VPS13C: variants seen among roughly 807,000 people sequenced by gnomAD.
VPS13C encodes vacuolar protein sorting 13 homolog C.
A neutral mutation model predicts 456.8 loss-of-function variants in VPS13C; 358 were observed. The observed-to-expected ratio is 0.78, with a 90% CI of 0.72 to 0.86. VPS13C has a LOEUF of 0.86. Ranked by LOEUF, VPS13C falls within the 40% of genes least tolerant of loss-of-function variation. The pLI is 0.00. For synonymous variants in VPS13C, 1,578 were observed against 1,486.7 expected, an observed-to-expected ratio of 1.06 and a Z score of -1.41; for missense variants, 4,818 against 4,385.4, an observed-to-expected ratio of 1.10 and a Z score of -2.79.
intron 58 of VPS13C, 27 bp downstream of exon 58, chr15:61,919,262 G>C: frequency 6.4e-7 from 1 of 1,569,964 alleles, no homozygotes; most frequent in Middle Eastern, 1.7e-4. Flanking sequence ...TACACTGAAA[G>C]GGATACAATT....
intron 22 of VPS13C, among the ~76,000 whole-genome samples, chr15:61,979,870 C>A (rs774196406): frequency 1.3e-5 from 2 of 152,004 alleles, no homozygotes; most frequent in Non-Finnish European, 2.9e-5. Flanking sequence ...AGAAGCATTT[C>A]TTCAAAGAAT....
chr15:61,952,028 A>G (rs2044816759), intron 38 of VPS13C, 48 bp from the exon 39 acceptor site: 3 of 1,583,162 alleles, frequency 1.9e-6, no homozygotes, highest in East Asian at 2.2e-5. Flanking sequence ...CCAATATGCA[A>G]TGAAGGTAAG....
chr15:61,987,458 G>T (rs766041077), intron 18 of VPS13C, among the ~76,000 whole-genome samples: 1 of 152,106 alleles, frequency 6.6e-6, no homozygotes, highest in Non-Finnish European at 1.5e-5. Flanking sequence ...CTTGTGCAGG[G>T]GAACTCCCAT....
At chr15:61,939,822 C>T (rs1567026787) in intron 47 of VPS13C, among the ~76,000 whole-genome samples, 2 of 152,090 alleles carry the variant, frequency 1.3e-5, no homozygotes, top group Non-Finnish European at 2.9e-5. Context: ...TGGTGAAACC[C>T]TGTTTCTACT....
chr15:61,938,175 T>C (rs1369477387), intron 47 of VPS13C, among the ~76,000 whole-genome samples: 3 of 152,158 alleles, frequency 2.0e-5, no homozygotes, highest in Non-Finnish European at 4.4e-5. Flanking sequence ...CCTTAGAATT[T>C]CCTTGTATAT....
intron 46 of VPS13C, 120 bp from the exon 47 acceptor site, chr15:61,940,914 T>A (rs2044399007): frequency 1.0e-6 from 1 of 965,578 alleles, no homozygotes; most frequent in Non-Finnish European, 1.5e-6. Context: ...CTAACAGAAG[T>A]CTTTTAGAAT....
rs748517979 is a variant in VPS13C, at chr15:62,013,296, A to T, written c.745-177T>A. Among the ~76,000 whole-genome samples the T allele has an allele frequency of 3.9e-5, 6 of 152,170 alleles. No homozygotes were observed. In the East Asian group the frequency reaches 1.2e-3, roughly 29 times the overall value. ...AATATATTCATGTTATTCAGACTTT[A>T]TTAAGTCTAGCATTTGCTAAATTGC... On this transcript the variant is annotated intron_variant, in intron 10 of 84. Coordinates refer to ENST00000644861, the MANE Select transcript of VPS13C (RefSeq NM_020821.3).
intron 66 of VPS13C, among the ~76,000 whole-genome samples, chr15:61,899,499 C>T (rs1055382706): frequency 3.9e-5 from 6 of 152,082 alleles, no homozygotes; most frequent in African/African-American, 1.4e-4. Context: ...TGCAAATAAA[C>T]TAGAAAATCT....
chr15:61,907,191 T>A, intron 66 of VPS13C, 73 bp downstream of exon 66: 1 of 1,594,354 alleles, frequency 6.3e-7, no homozygotes, highest in South Asian at 1.1e-5. Context: ...GGACAAGGAG[T>A]CAGTGAAGAT....
Position 61,913,352 on chromosome 15 carries a change from A to T in VPS13C, c.8509T>A (p.Tyr2837Asn), listed in dbSNP as rs1292043701. 1 of 1,613,970 alleles carries T rather than the reference A, an allele frequency of 6.2e-7. No individual in the cohort carries two copies. Among genetic ancestry groups the T allele is most frequent in the Non-Finnish European group, 8.5e-7 (1 of 1,180,008 alleles). ...SSFSLDTVGS[Y>N]GCVKCPANNM... ...TTGGCAGGACACTTCACACACCCATAACTTCCCACTGTATCCAATGAGAAA... is the reference window on the plus strand; with the variant it reads ...TTGGCAGGACACTTCACACACCCATTACTTCCCACTGTATCCAATGAGAAA... The change falls in exon 62 of 85, where the codon TAT becomes AAT. Residue 2837 changes from tyrosine to asparagine, a missense_variant. Transcript: ENST00000644861.
chr15:62,057,503 C>G lies in VPS13C; in HGVS notation c.100+2772G>C, dbSNP rs574998932. 2.2e-4 allele frequency among the ~76,000 whole-genome samples: 33 copies of G among 152,244 alleles called. 1 individual carries two copies. Among genetic ancestry groups the G allele is most frequent in the East Asian group, 7.7e-4 (4 of 5,188 alleles). On this transcript the variant is annotated intron_variant, in intron 1 of 84. Transcript: ENST00000644861. ...AGACTGTGCAATAATGATAAAAGCT[C>G]GTGACTTCTAGCTTTATAGCAACCA...
chr15:61,991,950 C>T, intron 16 of VPS13C, 148 bp from the exon 17 acceptor site: 1 of 892,340 alleles, frequency 1.1e-6, no homozygotes, highest in South Asian at 2.0e-5. Flanking sequence ...ATGCTCACAA[C>T]ATAATTTAGT....
Position 61,922,409 on chromosome 15 carries a change from G to A in VPS13C, c.6963C>T (p.Asp2321=), listed in dbSNP as rs570785472. The change falls in exon 54 of 85, where the codon GAC becomes GAT. Residue 2321 remains aspartate, a synonymous_variant. Transcript: ENST00000644861. ...NWTSLMAAVA[D]VTLQVHYYNE... The stretch of plus-strand genomic sequence containing the variant: ...GATGTGGCCATACCTGTAGTGTCAC[G>A]TCAGCAACAGCAGCCATTAGAGAAG... 9.3e-6 allele frequency: 15 copies of A among 1,612,804 alleles called. No individual in the cohort carries two copies. The African/African-American group carries it at 1.5e-4, about 16-fold the overall frequency.
rs752744530 is a variant in VPS13C, at chr15:61,981,459, T to C, written c.2049A>G (p.Glu683=). The part of the protein sequence containing the change: ...RTATGLTHII[E]TRKVLDLRIN... Reference sequence around the variant, plus strand: ...TCCTTAAATCAAGGACTTTTCGAGTTTCAATAATATGTGTAAGTCCTAAAG... The same window carrying C: ...TCCTTAAATCAAGGACTTTTCGAGTCTCAATAATATGTGTAAGTCCTAAAG... The change falls in exon 22 of 85, where the codon GAA becomes GAG. Residue 683 remains glutamate (E), a synonymous_variant. Coordinates refer to ENST00000644861, the MANE Select transcript of VPS13C (RefSeq NM_020821.3). 3.2e-5 allele frequency: 51 copies of C among 1,608,936 alleles called. No homozygotes were observed. Among genetic ancestry groups the C allele is most frequent in the Non-Finnish European group, 5.1e-6 (6 of 1,178,348 alleles).
chr15:61,893,711 A>G (rs921808177), intron 66 of VPS13C, among the ~76,000 whole-genome samples: 20 of 151,916 alleles, frequency 1.3e-4, no homozygotes, highest in African/African-American at 4.8e-4. Context: ...AAAGATATAA[A>G]TTGAGACAAC....
At chr15:61,880,067 C>T (rs982918278) in intron 73 of VPS13C, among the ~76,000 whole-genome samples, 7 of 152,008 alleles carry the variant, frequency 4.6e-5, no homozygotes, top group African/African-American at 1.4e-4. Flanking sequence ...ATTTACTAAG[C>T]AGTCACCTTC....
rs1330328364 is a variant in VPS13C at position 61,852,999 on chromosome 15, T to C, written c.*1458A>G. On this transcript the variant is annotated 3_prime_UTR_variant, in exon 85 of 85. Coordinates refer to ENST00000644861, the MANE Select transcript of VPS13C (RefSeq NM_020821.3). ...TGAATTCAGTGATTTGAAATAAATGTTGTTATGTTAAACATTATGAGCAAA... is the reference window on the plus strand; with the variant it reads ...TGAATTCAGTGATTTGAAATAAATGCTGTTATGTTAAACATTATGAGCAAA... The C allele has an allele frequency of 6.6e-6, 1 of 152,190 alleles. No homozygotes were observed. The highest frequency in any genetic ancestry group is 1.5e-5 in the Non-Finnish European group (1 of 68,020). 9.4% of individuals were successfully genotyped at this position (152,190 alleles called of 1,614,324 possible).
chr15:61,862,218 C>A (rs1315238624), intron 82 of VPS13C, among the ~76,000 whole-genome samples: 1 of 152,012 alleles, frequency 6.6e-6, no homozygotes, highest in Non-Finnish European at 1.5e-5. Flanking sequence ...GAAAAGGAGT[C>A]TACTAAGTAA....
Position 61,950,975 on chromosome 15 carries a change from G to T in VPS13C, c.4506C>A (p.Asp1502Glu). The T allele has an allele frequency of 3.1e-6, 5 of 1,603,290 alleles. No individual in the cohort carries two copies. Among genetic ancestry groups the T allele is most frequent in the African/African-American group, 1.3e-5 (1 of 74,642 alleles). ...LHIINSSNVT[D>E]EPLLKMLLTK... The stretch of plus-strand genomic sequence containing the variant: ...TCAGTAACATTTTCAGAAGGGGTTC[G>T]TCAGTCACATTAGAAGAGTTAATAA... The change falls in exon 40 of 85, where the codon GAC becomes GAA. Residue 1502 changes from aspartate to glutamate, a missense_variant. Asp to Glu is a conservative substitution (Grantham distance 45). Around this residue, in one of 3 missense-constraint regions of VPS13C, gnomAD observed 4,552 missense variants for 4,130.6 expected, o/e 1.10. Transcript: ENST00000644861.
Sources: allele counts gnomAD v4.1 joint callset (sites outside exome capture counted in the v4.1 genomes callset), GRCh38; gene constraint gnomAD v4.1.1; regional missense constraint gnomAD v4.1.1; transcripts MANE v1.5; gene names NCBI Gene and HGNC (gene_info 2026-07-23, HGNC 2026-07-21).